SPOCK3: variants seen among roughly 807,000 people sequenced by gnomAD.
The protein encoded by SPOCK3 is SPARC (osteonectin), cwcv and kazal like domains proteoglycan 3, also known as testican-3.
In SPOCK3, 30 loss-of-function variants were observed where a neutral mutation model predicts 56.6. The ratio of observed to expected loss-of-function variants is 0.53; its 90% confidence interval spans 0.40 to 0.72. The LOEUF (loss-of-function observed/expected upper bound fraction) is 0.72. SPOCK3 is among the 30% of genes least tolerant of loss of function. The probability of loss-of-function intolerance (pLI) is 0.00; values close to 1 mark genes in which losing one functional copy is unlikely to be tolerated. For synonymous variants in SPOCK3, 196 were observed against 183.3 expected (o/e 1.07, Z -0.56); for missense variants, 527 against 530.0 (o/e 0.99, Z 0.06).
Position 166,899,497 on chromosome 4 carries a change from T to G in SPOCK3, c.475-10253A>C, listed in dbSNP as rs74287165. Among the ~76,000 whole-genome samples, 114 of 97,326 alleles carry G rather than the reference T, an allele frequency of 1.2e-3. 1 individual carries two copies. The East Asian group carries it at 0.033, about 28-fold the overall frequency. The allele number at this position is 97,326 out of a possible 152,430, so 63.8% of individuals were successfully genotyped here. A position where few individuals can be genotyped will look rare whatever the true frequency, so the allele number is the denominator to read the frequency against. On this transcript the variant is annotated intron_variant, in intron 5 of 10. Coordinates refer to ENST00000357545, the MANE Select transcript of SPOCK3 (RefSeq NM_001040159.2). ...CAAAGTTTGGCATCTGTTCAGTGTA[T>G]TTCTTTCTTTCTTTTTTTTTTTTTT...
chr4:167,057,622 G>A (rs2150234840), intron 3 of SPOCK3, among the ~76,000 whole-genome samples: 1 of 152,100 alleles, frequency 6.6e-6, no homozygotes, highest in Middle Eastern at 3.4e-3. Flanking sequence ...ACAAAAAAAG[G>A]CAGGGGTTGC....
At chr4:167,202,386 A>G (rs192536341) in intron 2 of SPOCK3, among the ~76,000 whole-genome samples, 1 of 152,126 alleles carries the variant, frequency 6.6e-6, no homozygotes, top group African/African-American at 2.4e-5. Context: ...AAGAAAAAAT[A>G]GATTGTCTAC....
intron 4 of SPOCK3, among the ~76,000 whole-genome samples, chr4:166,913,757 A>G (rs1034736041): frequency 6.6e-6 from 1 of 152,066 alleles, no homozygotes; most frequent in African/African-American, 2.4e-5. Context: ...TTGGGTGGGC[A>G]TTACACATAG....
intron 4 of SPOCK3, among the ~76,000 whole-genome samples, chr4:166,989,551 G>T (rs1329372311): frequency 6.6e-6 from 1 of 152,034 alleles, no homozygotes; most frequent in Non-Finnish European, 1.5e-5. Context: ...TTTAAGTTTG[G>T]AAATGAATTA....
At chr4:167,207,284 C>A (rs1050495849) in intron 2 of SPOCK3, among the ~76,000 whole-genome samples, 1 of 151,832 alleles carries the variant, frequency 6.6e-6, no homozygotes, top group East Asian at 1.9e-4. Context: ...AAAATAAACA[C>A]CTGCTTATAG....
intron 7 of SPOCK3, among the ~76,000 whole-genome samples, chr4:166,766,701 A>G (rs1018738524): frequency 3.3e-5 from 5 of 152,204 alleles, no homozygotes; most frequent in Admixed American, 6.5e-5. Flanking sequence ...TGCTGAACTC[A>G]TAAAATGAGT....
At chr4:167,138,941 T>C (rs2150395256) in intron 2 of SPOCK3, among the ~76,000 whole-genome samples, 2 of 152,116 alleles carry the variant, frequency 1.3e-5, no homozygotes, top group African/African-American at 4.8e-5. Context: ...ATATGATTTA[T>C]CATTAAAGTA....
intron 3 of SPOCK3, among the ~76,000 whole-genome samples, chr4:167,024,216 C>G (rs1751474891): frequency 6.6e-6 from 1 of 152,026 alleles, no homozygotes; most frequent in African/African-American, 2.4e-5. Context: ...CTACTCAACT[C>G]TCTTTAATTA....
chr4:166,848,261 T>G (rs1396259127), intron 6 of SPOCK3, among the ~76,000 whole-genome samples: 1 of 152,184 alleles, frequency 6.6e-6, no homozygotes, highest in Non-Finnish European at 1.5e-5. Flanking sequence ...GACTACAGCA[T>G]AGATGTACTT....
chr4:167,049,195 C>A (rs1392231147), intron 3 of SPOCK3, among the ~76,000 whole-genome samples: 2 of 151,498 alleles, frequency 1.3e-5, no homozygotes, highest in Non-Finnish European at 2.9e-5. Context: ...ACCTCTGCCT[C>A]CTGGGTTCAA....
intron 2 of SPOCK3, among the ~76,000 whole-genome samples, chr4:167,198,903 T>A (rs908456333): frequency 3.3e-5 from 5 of 152,138 alleles, no homozygotes; most frequent in African/African-American, 1.2e-4. Context: ...TTCTTAAGTT[T>A]ATTTATTAAT....
intron 2 of SPOCK3, among the ~76,000 whole-genome samples, chr4:167,169,519 A>T (rs912150036): frequency 3.9e-5 from 6 of 152,146 alleles, no homozygotes; most frequent in African/African-American, 1.4e-4. Context: ...TGGTGTATTT[A>T]TCCAATGCCT....
At chr4:166,986,952 G>C (rs1472311451) in intron 4 of SPOCK3, among the ~76,000 whole-genome samples, 1 of 152,090 alleles carries the variant, frequency 6.6e-6, no homozygotes, top group Non-Finnish European at 1.5e-5. Context: ...TCCCCCAGGA[G>C]TTACTGCCCT....
chr4:167,021,809 TCAAA>T lies in SPOCK3; in HGVS notation c.236-21350_236-21347del, dbSNP rs370756800. Among the ~76,000 whole-genome samples the T allele has an allele frequency of 8.8e-4, 134 of 152,164 alleles. 1 individual carries two copies. The East Asian group carries it at 0.023, about 26-fold the overall frequency. The stretch of plus-strand genomic sequence containing the variant: ...TGGCACAAATGAACCCACGGAGTTC[TCAAA>T]CAACCAGACACACAGACATGTCCAG... On this transcript the variant is annotated intron_variant, in intron 3 of 10. Transcript: ENST00000357545.
chr4:167,021,233 C>T (rs538299790), intron 3 of SPOCK3, among the ~76,000 whole-genome samples: 2 of 152,112 alleles, frequency 1.3e-5, no homozygotes, highest in South Asian at 4.1e-4. Flanking sequence ...AAAATATTAA[C>T]ACAAAGTGGC....
intron 2 of SPOCK3, among the ~76,000 whole-genome samples, chr4:167,215,144 A>G (rs1024089977): frequency 8.5e-5 from 13 of 152,092 alleles, no homozygotes; most frequent in African/African-American, 3.1e-4. Context: ...TACCAGGATC[A>G]ATAGAAAATT....
intron 2 of SPOCK3, among the ~76,000 whole-genome samples, chr4:167,190,225 TC>T (rs1281720631): frequency 1.4e-5 from 2 of 146,086 alleles, no homozygotes; most frequent in Non-Finnish European, 3.0e-5. Context: ...TGTATTAATT[TC>T]CAGTTCCACC....
At chr4:167,161,536 C>G (rs1765304305) in intron 2 of SPOCK3, among the ~76,000 whole-genome samples, 1 of 152,134 alleles carries the variant, frequency 6.6e-6, no homozygotes, top group Non-Finnish European at 1.5e-5. Context: ...CATCCCATTA[C>G]TGGGTATATA....
chr4:167,167,808 A>C (rs1210570233), intron 2 of SPOCK3, among the ~76,000 whole-genome samples: 2 of 152,142 alleles, frequency 1.3e-5, no homozygotes, highest in Admixed American at 1.3e-4. Context: ...GGGACTGTTC[A>C]TATCGGTACC....
Sources: gnomAD v4.1 joint callset for allele counts (sites outside exome capture counted in the v4.1 genomes callset) on GRCh38, gnomAD v4.1.1 for gene constraint, MANE v1.5 for transcripts, NCBI Gene and HGNC (gene_info 2026-07-23, HGNC 2026-07-21) for gene names.